Variants in LYPD5 observed in about 807,000 individuals in gnomAD.
The protein encoded by LYPD5 is LY6/PLAUR domain containing 5.
Under a neutral mutation model 19.1 loss-of-function variants are expected in LYPD5, and 21 were observed. The ratio of observed to expected loss-of-function variants is 1.10; its 90% CI spans 0.78 to 1.58. The LOEUF (loss-of-function observed/expected upper bound fraction) is 1.58. Among genes scored for constraint, LYPD5 ranks in the 40% most tolerant of loss-of-function variants. LYPD5 has a pLI of 0.00. For synonymous variants in LYPD5, 128 were observed against 142.7 expected (o/e 0.90, Z 0.74); for missense variants, 287 against 329.8 (o/e 0.87, Z 1.00).
At chr19:43,807,310 C>T (rs1363562173), upstream of LYPD5, among the ~76,000 whole-genome samples, 3 of 138,078 alleles carry the variant, frequency 2.2e-5, no homozygotes, top group Non-Finnish European at 4.6e-5. Flanking sequence ...GGCAGAGTTT[C>T]GCTCTTGTTA....
chr19:43,810,853 C>G (rs934830312), intron 1 of LYPD5, among the ~76,000 whole-genome samples: 14 of 151,936 alleles, frequency 9.2e-5, no homozygotes, highest in South Asian at 2.1e-4. Context: ...TGGTCTTGAA[C>G]TCCTGACCTT....
intron 1 of LYPD5, among the ~76,000 whole-genome samples, chr19:43,816,273 T>G (rs1970375767): frequency 6.6e-6 from 1 of 152,168 alleles, no homozygotes; most frequent in African/African-American, 2.4e-5. Context: ...GAGGTTTATC[T>G]CCCTCTTTCT....
upstream of LYPD5, among the ~76,000 whole-genome samples, chr19:43,807,217 T>C (rs886996132): frequency 1.3e-5 from 2 of 152,188 alleles, no homozygotes; most frequent in African/African-American, 4.8e-5. Flanking sequence ...ATCAAATCAT[T>C]TTGAATGTTG....
intron 1 of LYPD5, among the ~76,000 whole-genome samples, chr19:43,800,997 T>C (rs1970216063): frequency 7.7e-6 from 1 of 129,360 alleles, no homozygotes; most frequent in Admixed American, 8.1e-5. Context: ...CACATATGGA[T>C]ACAAAATGTA....
upstream of LYPD5, among the ~76,000 whole-genome samples, chr19:43,807,276 C>CTTTTTTTTTTTTTTTTT: frequency 6.9e-6 from 1 of 144,094 alleles, no homozygotes; most frequent in Non-Finnish European, 1.5e-5. Context: ...CTTTTCTTTT[C>CTTTTTTTTTTTTTTTTT]TTTTCTTTTT....
At chr19:43,799,867 C>A (rs753344728) in intron 1 of LYPD5, 33 bp from the exon 2 acceptor site, 16 of 1,578,516 alleles carry the variant, frequency 1.0e-5, no homozygotes, top group Non-Finnish European at 1.3e-5. Context: ...GTCAGCAGGG[C>A]CAGTGTGAGC....
rs369961144 is a variant in LYPD5, at chr19:43,797,661, G to A, written c.686C>T (p.Thr229Ile). Residue 229 changes from threonine to isoleucine, a missense_variant, in exon 5 of 5, where the codon ACC becomes ATC. Coordinates refer to ENST00000377950, the MANE Select transcript of LYPD5 (RefSeq NM_001031749.3). ...CAGGACCTGTAGTGCTCGGGGAGGG[G>A]TGGTGGCTGAAGCACTGGTGAAGGG... ...TQPFTSASATTPPRALQVLAL... is the reference protein window; with the variant it reads ...TQPFTSASATIPPRALQVLAL... The A allele has an allele frequency of 5.6e-6, 9 of 1,613,876 alleles. No individual in the cohort carries two copies. Among genetic ancestry groups the A allele is most frequent in the Middle Eastern group, 1.7e-4 (1 of 6,042 alleles).
In LYPD5 at chr19:43,819,286, T is replaced by C. The variant is rs199826463; in HGVS notation, c.-66+1254A>G. 2.2e-3 allele frequency among the ~76,000 whole-genome samples: 321 copies of C among 143,160 alleles called. 3 individuals carry two copies. The East Asian group carries it at 0.044, about 19-fold the overall frequency. 93.9% of individuals were successfully genotyped at this position (143,160 alleles called of 152,430 possible). A position where few individuals can be genotyped will look rare whatever the true frequency, so the allele number is the denominator to read the frequency against. On this transcript the variant is annotated intron_variant, in intron 1 of 4. Transcript: ENST00000414615. ...TTTTTCCCTTCTTCTTCTTCTTCTT[T>C]TTTTTTTTTTTTTTTTGAGATGGAG...
chr19:43,805,422 T>C (rs1032749311), upstream of LYPD5, among the ~76,000 whole-genome samples: 4 of 152,244 alleles, frequency 2.6e-5, no homozygotes, highest in South Asian at 8.3e-4. Context: ...ATTATCAGAA[T>C]TGTGAATTTT....
intron 1 of LYPD5, among the ~76,000 whole-genome samples, chr19:43,816,032 C>CTCTATCTATCTA (rs111461643): frequency 1.2e-3 from 177 of 147,850 alleles, no homozygotes; most frequent in African/African-American, 3.7e-3. Context: ...CCACGCCCCA[C>CTCTATCTATCTA]TCTATCTATC....
intron 1 of LYPD5, among the ~76,000 whole-genome samples, chr19:43,801,242 GA>G (rs967401811): frequency 1.3e-5 from 2 of 151,996 alleles, no homozygotes; most frequent in Non-Finnish European, 2.9e-5. Context: ...ACAACCACAA[GA>G]AAAAAGGCCA....
chr19:43,797,604 C>G lies in LYPD5; in HGVS notation c.743G>C (p.Gly248Ala), dbSNP rs1378602401. The change falls in exon 5 of 5, where the codon GGG becomes GCG. Residue 248 changes from glycine (G) to alanine (A), a missense_variant. Transcript: ENST00000377950. ...TGGAGGGGCGGTCTATGCTGAGAGC[C>G]CCACCAGCAGGAGGACTGGGAGGAG... ...ALLLPVLLLV[G>A]LSA 3 of 1,604,718 alleles carry G rather than the reference C, an allele frequency of 1.9e-6. No homozygotes were observed. The Admixed American group carries it at 5.0e-5, about 27-fold the overall frequency.
chr19:43,797,476 G>T lies in LYPD5; in HGVS notation c.*115C>A. 1 of 867,898 alleles carries T rather than the reference G, an allele frequency of 1.2e-6. No homozygotes were observed. 53.8% of individuals were successfully genotyped at this position (867,898 alleles called of 1,614,324 possible). ...AGGGCGGGAGAGATGGAAGGCCAGA[G>T]GGACAGGAGTGCAATTCTTACTTTA... On this transcript the variant is annotated 3_prime_UTR_variant, in exon 5 of 5. Coordinates refer to ENST00000377950, the MANE Select transcript of LYPD5 (RefSeq NM_001031749.3).
chr19:43,799,042 GTC>G, intron 2 of LYPD5, 54 bp from the exon 3 acceptor site: 1 of 1,499,562 alleles, frequency 6.7e-7, no homozygotes, highest in Non-Finnish European at 8.9e-7. Flanking sequence ...TCTCCCTCCA[GTC>G]TCAGCGTTCT....
chr19:43,808,709 C>T (rs28656222), intron 1 of LYPD5, among the ~76,000 whole-genome samples: 1 of 152,110 alleles, frequency 6.6e-6, no homozygotes, highest in African/African-American at 2.4e-5. Context: ...ATTTTTTCCC[C>T]TTGCAACTTT....
chr19:43,813,521 C>T (rs1459207167), intron 1 of LYPD5, among the ~76,000 whole-genome samples: 1 of 152,166 alleles, frequency 6.6e-6, no homozygotes, highest in African/African-American at 2.4e-5. Context: ...AACAGACTAA[C>T]ACACAGGCAT....
chr19:43,799,040 C>T lies in LYPD5; in HGVS notation c.194-52G>A, dbSNP rs1488238029. 3 of 1,503,928 alleles carry T rather than the reference C, an allele frequency of 2.0e-6. No homozygotes were observed. In the South Asian group the frequency reaches 3.9e-5, roughly 20 times the overall value. The allele number at this position is 1,503,928 out of a possible 1,614,324, so 93.2% of individuals were successfully genotyped here. ...CTGCTTCCCGAAACCCTTCTCCCTC[C>T]AGTCTCAGCGTTCTTCCTCCTCCCT... On this transcript the variant is annotated intron_variant, in intron 2 of 4. Transcript: ENST00000377950.
upstream of LYPD5, among the ~76,000 whole-genome samples, chr19:43,803,082 T>A (rs556055009): frequency 1.1e-4 from 16 of 149,034 alleles, no homozygotes; most frequent in South Asian, 3.2e-3. Flanking sequence ...AGAGAGAGAG[T>A]GTGCCTTCGA....
At chr19:43,811,809 T>G (rs1420476740) in intron 1 of LYPD5, among the ~76,000 whole-genome samples, 1 of 152,066 alleles carries the variant, frequency 6.6e-6, no homozygotes, top group African/African-American at 2.4e-5. Flanking sequence ...ATAGCAATTA[T>G]GTGGATCAAA....
Sources: allele counts gnomAD v4.1 joint callset (sites outside exome capture counted in the v4.1 genomes callset), GRCh38; gene constraint gnomAD v4.1.1; transcripts MANE v1.5; gene names NCBI Gene and HGNC (gene_info 2026-07-23, HGNC 2026-07-21).